Variants in SV2C observed in about 807,000 individuals in gnomAD.
The protein encoded by SV2C is synaptic vesicle glycoprotein 2C.
In SV2C, 49 loss-of-function variants were observed where a neutral mutation model predicts 79.7. That is an observed-to-expected ratio of 0.61 (90% CI 0.49 to 0.78). The LOEUF (loss-of-function observed/expected upper bound fraction) is 0.78, where lower values mean the gene tolerates loss of function less well. Among genes scored for constraint, SV2C ranks in the 30% least tolerant of loss-of-function variants. The pLI is 0.00. For synonymous variants in SV2C, 334 were observed against 333.2 expected (o/e 1.00, Z -0.03); for missense variants, 833 against 912.9 (o/e 0.91, Z 1.13).
chr5:75,869,726 G>T, the SV2C span, among the ~76,000 whole-genome samples: 2 of 152,202 alleles, frequency 1.3e-5, no homozygotes, highest in African/African-American at 4.8e-5. Flanking sequence ...GCTGGCTTCA[G>T]ATCTGACCTG....
intron 4 of SV2C, among the ~76,000 whole-genome samples, chr5:76,256,542 G>A (rs1429455871): frequency 6.6e-6 from 1 of 152,184 alleles, no homozygotes; most frequent in Non-Finnish European, 1.5e-5. Flanking sequence ...TTTTAGCTTT[G>A]TGACTTGTGT....
the SV2C span, among the ~76,000 whole-genome samples, chr5:75,999,515 G>A: frequency 7.2e-5 from 11 of 152,098 alleles, no homozygotes; most frequent in South Asian, 2.3e-3. Flanking sequence ...AATTCTGCCC[G>A]TGTCCAAAGC....
At chr5:76,224,353 T>C (rs941551202) in intron 4 of SV2C, among the ~76,000 whole-genome samples, 2 of 152,208 alleles carry the variant, frequency 1.3e-5, no homozygotes, top group African/African-American at 4.8e-5. Context: ...AGACAAAATA[T>C]GTATGTGTGT....
chr5:76,029,959 C>T, the SV2C span, among the ~76,000 whole-genome samples: 1 of 152,134 alleles, frequency 6.6e-6, no homozygotes, highest in South Asian at 2.1e-4. Context: ...TTCCTCTTTT[C>T]AGAACTTATT....
At chr5:76,030,503 A>G in the SV2C span, among the ~76,000 whole-genome samples, 2 of 152,008 alleles carry the variant, frequency 1.3e-5, no homozygotes, top group African/African-American at 4.8e-5. Context: ...TAGCAATGAA[A>G]GGGACCTATA....
At chr5:76,182,693 C>G (rs1743773930) in intron 2 of SV2C, among the ~76,000 whole-genome samples, 1 of 152,194 alleles carries the variant, frequency 6.6e-6, no homozygotes, top group Non-Finnish European at 1.5e-5. Flanking sequence ...GTGACCTGCC[C>G]TAGTCCTGGT....
chr5:76,239,410 C>T (rs997515070), intron 4 of SV2C, among the ~76,000 whole-genome samples: 3 of 152,192 alleles, frequency 2.0e-5, no homozygotes, highest in Admixed American at 1.3e-4. Flanking sequence ...AACTCCGTGG[C>T]TTAAAACAAT....
the SV2C span, among the ~76,000 whole-genome samples, chr5:75,945,706 G>T: frequency 1.3e-5 from 2 of 151,778 alleles, no homozygotes; most frequent in Non-Finnish European, 2.9e-5. Context: ...ACAAATTAAA[G>T]AATTAAAATC....
chr5:75,899,155 A>G, the SV2C span, among the ~76,000 whole-genome samples: 4 of 151,880 alleles, frequency 2.6e-5, no homozygotes, highest in Admixed American at 6.6e-5. Flanking sequence ...TTTTAATTGC[A>G]ATGTTAGGGT....
intron 3 of SV2C, among the ~76,000 whole-genome samples, chr5:76,202,408 C>T (rs1461468018): frequency 2.6e-5 from 4 of 152,138 alleles, no homozygotes; most frequent in Non-Finnish European, 4.4e-5. Flanking sequence ...TCTGAGGTCA[C>T]ACAATAAGTA....
chr5:75,965,236 G>T, the SV2C span, among the ~76,000 whole-genome samples: 1 of 152,116 alleles, frequency 6.6e-6, no homozygotes, highest in Non-Finnish European at 1.5e-5. Flanking sequence ...CAATCACTCT[G>T]GCCTTCAAGC....
chr5:76,301,324 A>T, intron 11 of SV2C, 62 bp from the exon 12 acceptor site: 1 of 1,593,148 alleles, frequency 6.3e-7, no homozygotes, highest in Non-Finnish European at 8.6e-7. Flanking sequence ...CAAGGACCCA[A>T]GGGTTCTTGC....
At chr5:75,916,956 C>A in the SV2C span, among the ~76,000 whole-genome samples, 1 of 152,192 alleles carries the variant, frequency 6.6e-6, no homozygotes, top group East Asian at 1.9e-4. Context: ...CCTCCTCACC[C>A]CTCAGTGGAA....
chr5:75,965,233 T>C, the SV2C span, among the ~76,000 whole-genome samples: 3 of 152,170 alleles, frequency 2.0e-5, no homozygotes, highest in Non-Finnish European at 4.4e-5. Context: ...AACCAATCAC[T>C]CTGGCCTTCA....
At chr5:75,999,130 T>C in the SV2C span, among the ~76,000 whole-genome samples, 2 of 152,052 alleles carry the variant, frequency 1.3e-5, no homozygotes, top group Non-Finnish European at 2.9e-5. Flanking sequence ...ACTTATTCAC[T>C]ATCACGAGAA....
At chr5:76,006,641 G>T in the SV2C span, among the ~76,000 whole-genome samples, 1 of 152,130 alleles carries the variant, frequency 6.6e-6, no homozygotes, top group African/African-American at 2.4e-5. Flanking sequence ...GGGATTGGGA[G>T]TGTTGGTCCC....
chr5:76,264,701 A>C (rs1580001357), intron 4 of SV2C, among the ~76,000 whole-genome samples: 1 of 152,154 alleles, frequency 6.6e-6, no homozygotes, highest in African/African-American at 2.4e-5. Flanking sequence ...CCTCTTCTGC[A>C]GGTCTGCTGC....
the SV2C span, among the ~76,000 whole-genome samples, chr5:75,882,476 A>G: frequency 6.6e-6 from 1 of 151,880 alleles, no homozygotes; most frequent in African/African-American, 2.4e-5. Context: ...AGCTGGAGGC[A>G]TCATGCTACC....
chr5:75,943,057 C>A, the SV2C span, among the ~76,000 whole-genome samples: 1 of 152,152 alleles, frequency 6.6e-6, no homozygotes, highest in East Asian at 1.9e-4. Flanking sequence ...GAGAACTCAG[C>A]TGTGTCTGCA....
Sources: gnomAD v4.1 joint callset for allele counts (sites outside exome capture counted in the v4.1 genomes callset) on GRCh38, gnomAD v4.1.1 for gene constraint, MANE v1.5 for transcripts, NCBI Gene and HGNC (gene_info 2026-07-23, HGNC 2026-07-21) for gene names.